GIT1: variants seen among roughly 807,000 people sequenced by gnomAD.
GIT1 encodes the protein ARF GTPase-activating protein GIT1.
Under a neutral mutation model 91.7 loss-of-function variants are expected in GIT1, and 14 were observed. The ratio of observed to expected loss-of-function variants is 0.15; its 90% confidence interval spans 0.10 to 0.24. The LOEUF is 0.24. Ranked by LOEUF, GIT1 falls within the 10% of genes least tolerant of loss-of-function variation. The pLI is 1.00. For synonymous variants in GIT1, 414 were observed against 418.2 expected, an observed-to-expected ratio of 0.99 and a Z score of 0.12; for missense variants, 717 against 1,024.9, an observed-to-expected ratio of 0.70 and a Z score of 4.10.
intron 1 of GIT1, among the ~76,000 whole-genome samples, chr17:29,586,768 C>T (rs1173196459): frequency 2.0e-5 from 3 of 152,166 alleles, no homozygotes; most frequent in Non-Finnish European, 4.4e-5. Context: ...TGACTGAGAT[C>T]GTGTGGCGAG....
intron 7 of GIT1, among the ~76,000 whole-genome samples, chr17:29,580,357 G>C (rs2033356609): frequency 6.6e-6 from 1 of 152,336 alleles, no homozygotes; most frequent in African/African-American, 2.4e-5. Context: ...CTGGGTTTAG[G>C]ATCTGAGTCG....
chr17:29,582,127 C>G lies in GIT1; in HGVS notation c.423G>C (p.Val141=), dbSNP rs1208009030. The change falls in exon 5 of 20, where the codon GTG becomes GTC. Residue 141 remains valine, a synonymous_variant. Coordinates refer to ENST00000225394, the MANE Select transcript of GIT1 (RefSeq NM_014030.4). ...KDLSKQLHSS[V]RTGNLETCLR... is the part of the protein sequence containing the mutation. ...GACATGTCTCCAGGTTGCCTGTCCG[C>G]ACGCTCGAGTGTAGTTGCTAAGAGG... 6.3e-7 allele frequency: 1 copy of G among 1,582,586 alleles called. No individual in the cohort carries two copies. The highest frequency in any genetic ancestry group is 1.1e-5 in the South Asian group (1 of 89,090).
At position 29,576,959 on chromosome 17, in the gene GIT1, G is replaced by T. The variant is rs142617234; in HGVS notation, c.1131C>A (p.Leu377=). The T allele has an allele frequency of 3.1e-6, 5 of 1,601,358 alleles. No homozygotes were observed. In the African/African-American group the frequency reaches 6.7e-5, roughly 21 times the overall value. ...CGCTGTCGTAGTCGTGTTGGTCGTC[G>T]AGGTCACTCTGGCTCCGCAGAGACA... ...LELSLRSQSD[L]DDQHDYDSVA... Residue 377 remains leucine (L), a synonymous_variant, in exon 12 of 20, where the codon CTC becomes CTA. Coordinates refer to ENST00000225394, the MANE Select transcript of GIT1 (RefSeq NM_014030.4).
At chr17:29,586,753 G>A (rs1457651903) in intron 1 of GIT1, among the ~76,000 whole-genome samples, 3 of 152,230 alleles carry the variant, frequency 2.0e-5, no homozygotes, top group African/African-American at 7.2e-5. Context: ...GTGAGGAGAG[G>A]CCCTTGACTG....
At chr17:29,580,138 T>C (rs865932188) in intron 7 of GIT1, among the ~76,000 whole-genome samples, 1 of 152,216 alleles carries the variant, frequency 6.6e-6, no homozygotes. Context: ...CCAGCTAGAT[T>C]GTGAGCTCCT....
intron 7 of GIT1, among the ~76,000 whole-genome samples, chr17:29,580,064 A>G (rs1803352226): frequency 6.6e-6 from 1 of 151,960 alleles, no homozygotes; most frequent in Admixed American, 6.6e-5. Flanking sequence ...TCTACCCTCC[A>G]TGCCTCTGCC....
In GIT1 at chr17:29,583,609, G is replaced by T; in HGVS notation, c.60C>A (p.Gly20=). 6.3e-7 allele frequency: 1 copy of T among 1,583,746 alleles called. No homozygotes were observed. The highest frequency in any genetic ancestry group is 1.1e-5 in the South Asian group (1 of 87,334). Residue 20 remains glycine (G), a synonymous_variant, in exon 2 of 20, where the codon GGC becomes GGA. Transcript: ENST00000225394. ...GCACACCCCTGCTGATGGATGCCCA[G>T]CCAGGGTCTGCCAGGGTGAGGGCAA... The part of the protein sequence containing the change: ...VCADCSAPDP[G]WASISRGVLV...
In GIT1 at chr17:29,583,589, C is replaced by A. The variant is rs1244617612; in HGVS notation, c.80G>T (p.Gly27Val). ...GCAGCACTCGTCACACACCAGCACA[C>A]CCCTGCTGATGGATGCCCAGCCAGG... ...PDPGWASISR[G>V]VLVCDECCSV... The change falls in exon 2 of 20, where the codon GGT (glycine) becomes GTT (valine). Residue 27 changes from glycine (G) to valine (V), a missense_variant. Physicochemically the swap from Gly to Val is moderately radical, Grantham distance 109 (BLOSUM62 -3). Transcript: ENST00000225394. The A allele has an allele frequency of 3.1e-6, 5 of 1,603,416 alleles. No individual in the cohort carries two copies. The highest frequency in any genetic ancestry group is 3.4e-6 in the Non-Finnish European group (4 of 1,176,326).
chr17:29,582,192 C>CGGAG (rs2033422480), intron 4 of GIT1, 48 bp from the exon 5 acceptor site: 1 of 1,382,328 alleles, frequency 7.2e-7, no homozygotes, highest in Non-Finnish European at 9.9e-7. Flanking sequence ...GTGAGGCGCA[C>CGGAG]CTCCCCACCC....
At chr17:29,588,517 G>A (rs1038634198) in intron 1 of GIT1, among the ~76,000 whole-genome samples, 1 of 152,228 alleles carries the variant, frequency 6.6e-6, no homozygotes, top group African/African-American at 2.4e-5. Flanking sequence ...GCAGGATACG[G>A]GGAATCTCGG....
In GIT1 at chr17:29,589,030, A is replaced by G. The variant is rs1281341539; in HGVS notation, c.52+297T>C. ...CCAGGCTGGCGCTTCCGTCGGATAC[A>G]GAGATGGAGGTGGAGGAGCAGCCAG... On this transcript the variant is annotated intron_variant, in intron 1 of 19. Coordinates refer to ENST00000225394, the MANE Select transcript of GIT1 (RefSeq NM_014030.4). This position sits in a 1 kb window ranked among gnomAD's most constrained non-coding sequence, Gnocchi z 5.2. 2.6e-5 allele frequency among the ~76,000 whole-genome samples: 4 copies of G among 152,258 alleles called. No homozygotes were observed. Among genetic ancestry groups the G allele is most frequent in the Non-Finnish European group, 5.9e-5 (4 of 67,990 alleles).
At position 29,583,574 on chromosome 17, in the gene GIT1, T is replaced by C; in HGVS notation, c.95A>G (p.Asp32Gly). The change falls in exon 2 of 20, where the codon GAC (aspartate) becomes GGC (glycine). Residue 32 changes from aspartate to glycine, a missense_variant. By Grantham distance (94) the Asp-to-Gly change is moderately conservative. This residue lies in a region of GIT1 where 271 missense variants were observed against 451.6 expected (regional missense o/e 0.60). Transcript: ENST00000225394. Reference protein sequence around the residue: ...ASISRGVLVCDECCSVHRSLG... With the variant: ...ASISRGVLVCGECCSVHRSLG... ...GCTCCGGTGCACGCTGCAGCACTCG[T>C]CACACACCAGCACACCCCTGCTGAT... The C allele has an allele frequency of 1.2e-6, 2 of 1,608,104 alleles. No homozygotes were observed. The highest frequency in any genetic ancestry group is 1.7e-6 in the Non-Finnish European group (2 of 1,178,368).
chr17:29,579,026 CAG>C, intron 7 of GIT1: 1 of 1,605,570 alleles, frequency 6.2e-7, no homozygotes, highest in Non-Finnish European at 8.5e-7. Flanking sequence ...AAGAACAGGA[CAG>C]AGGCGGCAGT....
chr17:29,574,991 T>C (rs1302282229), intron 19 of GIT1, 77 bp from the exon 20 acceptor site: 1 of 1,481,322 alleles, frequency 6.8e-7, no homozygotes, highest in Admixed American at 1.9e-5. Context: ...TGTCTGTGTC[T>C]CCACCCAGGT....
Position 29,575,481 on chromosome 17 carries a change from G to A in GIT1, c.1827-11C>T. On this transcript the variant is annotated splice_polypyrimidine_tract_variant and intron_variant, in intron 17 of 19. Coordinates refer to ENST00000225394, the MANE Select transcript of GIT1 (RefSeq NM_014030.4). This position sits in a 1 kb window ranked among gnomAD's most constrained non-coding sequence, Gnocchi z 5.5. ...CTCTTCCCTTCCAGCCTGAGGCCCA[G>A]GTCCAGAAAACAGAGACAAAGATAC... 1 of 1,595,586 alleles carries A rather than the reference G, an allele frequency of 6.3e-7. No individual in the cohort carries two copies. Among genetic ancestry groups the A allele is most frequent in the South Asian group, 1.1e-5 (1 of 89,126 alleles).
rs769287411 is a variant in GIT1, at chr17:29,578,256, C to T, written c.883+43G>A. 5.7e-5 allele frequency: 86 copies of T among 1,509,624 alleles called. 1 individual carries two copies. In the South Asian group the frequency reaches 8.3e-4, roughly 15 times the overall value. 93.5% of individuals were successfully genotyped at this position (1,509,624 alleles called of 1,614,324 possible). On this transcript the variant is annotated intron_variant, in intron 9 of 19. Coordinates refer to ENST00000225394, the MANE Select transcript of GIT1 (RefSeq NM_014030.4). ...AAGGACCAGAGACCCATGCCTGGGC[C>T]GCTCGGGTCCTCCACGCCAGACACT...
Position 29,576,957 on chromosome 17 carries a change from T to C in GIT1, c.1133A>G (p.Asp378Gly). 6.2e-7 allele frequency: 1 copy of C among 1,600,398 alleles called. No homozygotes were observed. The highest frequency in any genetic ancestry group is 8.5e-7 in the Non-Finnish European group (1 of 1,178,156). Reference protein sequence around the residue: ...ELSLRSQSDLDDQHDYDSVAS... With the variant: ...ELSLRSQSDLGDQHDYDSVAS... ...CACGCTGTCGTAGTCGTGTTGGTCGTCGAGGTCACTCTGGCTCCGCAGAGA... is the reference window on the plus strand; with the variant it reads ...CACGCTGTCGTAGTCGTGTTGGTCGCCGAGGTCACTCTGGCTCCGCAGAGA... The change falls in exon 12 of 20, where the codon GAC (aspartate) becomes GGC (glycine). Residue 378 changes from aspartate (D) to glycine (G), a missense_variant. Around this residue, in one of 3 missense-constraint regions of GIT1, gnomAD observed 312 missense variants for 349.5 expected, o/e 0.89. Transcript: ENST00000225394.
rs763759037 is a variant in GIT1 at position 29,581,844 on chromosome 17, GA to G, written c.624-9del. 50 of 1,612,228 alleles carry G rather than the reference GA, an allele frequency of 3.1e-5. No homozygotes were observed. In the East Asian group the frequency reaches 1.1e-3, roughly 35 times the overall value. ...TCATGGTGCCCCGCCTGCCTGTGAG[GA>G]GGGGGTATGGCTCAGACCTGCAGCA... On this transcript the variant is annotated splice_polypyrimidine_tract_variant and intron_variant, in intron 5 of 19. Transcript: ENST00000225394. This position sits in a 1 kb window ranked among gnomAD's most constrained non-coding sequence, Gnocchi z 4.8.
intron 4 of GIT1, 93 bp downstream of exon 4, chr17:29,582,605 C>T (rs1432799141): frequency 3.4e-6 from 3 of 878,612 alleles, no homozygotes; most frequent in African/African-American, 1.6e-5. Flanking sequence ...CTTTGGGGCC[C>T]AGGGCTCAGT....
Sources: allele counts gnomAD v4.1 joint callset (sites outside exome capture counted in the v4.1 genomes callset), GRCh38; gene constraint gnomAD v4.1.1; regional missense constraint gnomAD v4.1.1; non-coding constraint Gnocchi (gnomAD v3.1); transcripts MANE v1.5; gene names NCBI Gene and HGNC (gene_info 2026-07-23, HGNC 2026-07-21).